The following LRRFIP1 variants were observed in gnomAD, a reference collection of about 807,000 sequenced individuals.
LRRFIP1 encodes LRR binding FLII interacting protein 1.
Under a neutral mutation model 104.4 loss-of-function variants are expected in LRRFIP1, and 62 were observed. That is an observed-to-expected ratio of 0.59 (90% CI 0.48 to 0.73). LRRFIP1 has a LOEUF of 0.73. Ranked by LOEUF, LRRFIP1 falls within the 30% of genes least tolerant of loss-of-function variation. LRRFIP1 has a pLI of 0.00. For synonymous variants in LRRFIP1, 300 were observed against 299.0 expected, an observed-to-expected ratio of 1.00 and a Z score of -0.03; for missense variants, 796 against 824.5, an observed-to-expected ratio of 0.97 and a Z score of 0.42.
chr2:237,759,498 GGAGA>G (rs1260408877), intron 18 of LRRFIP1, among the ~76,000 whole-genome samples: 1 of 152,206 alleles, frequency 6.6e-6, no homozygotes, highest in African/African-American at 2.4e-5. Context: ...CACACACAAG[GGAGA>G]GAGAGCCACA....
intron 19 of LRRFIP1, among the ~76,000 whole-genome samples, chr2:237,767,353 A>G (rs2060310203): frequency 6.6e-6 from 1 of 152,196 alleles, no homozygotes; most frequent in Non-Finnish European, 1.5e-5. Context: ...CTGGGGTTTC[A>G]CTATCATACA....
chr2:237,758,642 A>G (rs1457236518), intron 17 of LRRFIP1, 87 bp from the exon 18 acceptor site: 1 of 848,360 alleles, frequency 1.2e-6, no homozygotes, highest in Non-Finnish European at 1.9e-6. Context: ...TTTAGATGGT[A>G]GAAGCCTCCT....
chr2:237,780,346 AAAG>A lies in LRRFIP1; in HGVS notation c.*819_*821del, dbSNP rs1427816186. ...GTGGTTCTAATTTTTTTCCACTGAG[AAAG>A]AAGATCTTTAATTTCATATTAATGG... On this transcript the variant is annotated 3_prime_UTR_variant, in exon 24 of 24. Transcript: ENST00000308482. The A allele has an allele frequency of 1.3e-5, 2 of 152,192 alleles. No homozygotes were observed. Among genetic ancestry groups the A allele is most frequent in the Non-Finnish European group, 2.9e-5 (2 of 68,028 alleles). The allele number at this position is 152,192 out of a possible 1,614,324, so 9.4% of individuals were successfully genotyped here.
At position 237,779,632 on chromosome 2, in the gene LRRFIP1, C is replaced by T. The variant is rs2117363; in HGVS notation, c.*100C>T. The T allele has an allele frequency of 0.19, 201,018 of 1,083,928 alleles. 20,863 individuals carry two copies. The highest frequency in any genetic ancestry group is 0.43 in the East Asian group (15,819 of 36,770). 67.1% of individuals were successfully genotyped at this position (1,083,928 alleles called of 1,614,324 possible). On this transcript the variant is annotated 3_prime_UTR_variant, in exon 24 of 24. Transcript: ENST00000308482. ...GAGCGCTGCTTCTTCCCCTGCCTTC[C>T]GAGAGACGAAGACCGTGGCGAGCTT...
intron 11 of LRRFIP1, among the ~76,000 whole-genome samples, chr2:237,745,240 T>C (rs1026607956): frequency 2.0e-5 from 3 of 152,232 alleles, no homozygotes; most frequent in African/African-American, 7.2e-5. Context: ...CGGGGCTGAA[T>C]AGCCTTCCTG....
Position 237,767,800 on chromosome 2 carries a change from G to A in LRRFIP1, c.1460-2143G>A, listed in dbSNP as rs970945825. 6.6e-5 allele frequency among the ~76,000 whole-genome samples: 10 copies of A among 152,120 alleles called. No individual in the cohort carries two copies. The East Asian group carries it at 1.3e-3, about 21-fold the overall frequency. On this transcript the variant is annotated intron_variant, in intron 19 of 23. Transcript: ENST00000308482. ...CCCAACCCTGTACAGCGTACCACCC[G>A]TGGCCACCAGCCAAGGGAACACAAC...
At chr2:237,640,577 A>G (rs1459694458) in intron 1 of LRRFIP1, among the ~76,000 whole-genome samples, 1 of 152,084 alleles carries the variant, frequency 6.6e-6, no homozygotes, top group African/African-American at 2.4e-5. Context: ...GGGGGACTGG[A>G]TGTTGGACAA....
intron 1 of LRRFIP1, among the ~76,000 whole-genome samples, chr2:237,686,729 C>T (rs1277542148): frequency 1.3e-5 from 2 of 152,240 alleles, no homozygotes; most frequent in African/African-American, 2.4e-5. Flanking sequence ...GCTTTCCAGA[C>T]GCTCTTGCTC....
intron 23 of LRRFIP1, among the ~76,000 whole-genome samples, chr2:237,778,358 C>T (rs937850746): frequency 2.0e-5 from 3 of 152,194 alleles, no homozygotes; most frequent in Non-Finnish European, 2.9e-5. Flanking sequence ...TCCAAAACCA[C>T]GTTCTCCCAG....
chr2:237,762,568 A>C, intron 19 of LRRFIP1: 1 of 1,528,384 alleles, frequency 6.5e-7, no homozygotes. Flanking sequence ...CCGCCACATC[A>C]TGGGGTCCCT....
Position 237,772,099 on chromosome 2 carries a change from C to G in LRRFIP1, c.1528C>G (p.Gln510Glu), listed in dbSNP as rs747929959. The part of the protein sequence containing the change: ...LLEQIKKLKG[Q>E]LEERQKIGKL... The stretch of plus-strand genomic sequence containing the variant: ...TTTTCAGATTAAGAAACTCAAAGGG[C>G]AGCTGGAGGAGAGACAGAAGATTGG... The change falls in exon 21 of 24, where the codon CAG (glutamine) becomes GAG (glutamate). Residue 510 changes from glutamine (Q) to glutamate (E), a missense_variant. Transcript: ENST00000308482. 6.2e-7 allele frequency: 1 copy of G among 1,613,004 alleles called. No individual in the cohort carries two copies. Among genetic ancestry groups the G allele is most frequent in the South Asian group, 1.1e-5 (1 of 90,996 alleles).
At chr2:237,680,658 T>A (rs2091707406) in intron 1 of LRRFIP1, among the ~76,000 whole-genome samples, 1 of 152,006 alleles carries the variant, frequency 6.6e-6, no homozygotes, top group Non-Finnish European at 1.5e-5. Flanking sequence ...AAAATCTCAG[T>A]TTAGAGGGGA....
intron 1 of LRRFIP1, among the ~76,000 whole-genome samples, chr2:237,681,678 C>CT (rs1172576547): frequency 0.015 from 684 of 44,896 alleles, 152 homozygotes; most frequent in African/African-American, 0.043. Context: ...CAGTCCTATT[C>CT]TTTTTTTTTT....
At chr2:237,635,223 G>C (rs1008003327) in intron 1 of LRRFIP1, among the ~76,000 whole-genome samples, 5 of 152,196 alleles carry the variant, frequency 3.3e-5, no homozygotes, top group Admixed American at 6.5e-5. Context: ...GTTGTGTATA[G>C]AGTTCTAGGT....
chr2:237,640,680 A>G lies in LRRFIP1; in HGVS notation c.96+12940A>G, dbSNP rs76418114. ...ATTGCCGAACTTCTTAAAATAGATG[A>G]CCAGATCATTGTCTTGTTCGGAATC... On this transcript the variant is annotated intron_variant, in intron 1 of 23. Transcript: ENST00000308482. 8.9e-3 allele frequency among the ~76,000 whole-genome samples: 1,355 copies of G among 152,220 alleles called. 17 individuals carry two copies. The highest frequency in any genetic ancestry group is 0.03 in the African/African-American group (1,263 of 41,510).
chr2:237,773,282 AATCCCAGCACTTTGGGAGGCTG>A (rs2060803618), intron 22 of LRRFIP1, among the ~76,000 whole-genome samples: 1 of 152,212 alleles, frequency 6.6e-6, no homozygotes, highest in South Asian at 2.1e-4. Context: ...TCACACCTGT[AATCCCAGCACTTTGGGAGGCTG>A]AGATGGGTGG....
In LRRFIP1 at chr2:237,774,419, TAGA is replaced by T. The variant is rs750092888; in HGVS notation, c.1773_1775del (p.Glu591del). 1 of 1,613,604 alleles carries T rather than the reference TAGA, an allele frequency of 6.2e-7. No homozygotes were observed. Among genetic ancestry groups the T allele is most frequent in the East Asian group, 2.2e-5 (1 of 44,884 alleles). On this transcript the variant is annotated inframe_deletion, in exon 23 of 24. Transcript: ENST00000308482. ...TCAGCGGCTGAAAATGCAGAAAAAATAGAAGATGAACTTAAGGCAGAAAAACGG... is the reference window on the plus strand; with the variant it reads ...TCAGCGGCTGAAAATGCAGAAAAAATAGATGAACTTAAGGCAGAAAAACGG...
intron 1 of LRRFIP1, among the ~76,000 whole-genome samples, chr2:237,683,979 C>A (rs182269572): frequency 6.6e-6 from 1 of 152,240 alleles, no homozygotes; most frequent in Admixed American, 6.5e-5. Flanking sequence ...TGACATTTAT[C>A]AATGACATTT....
chr2:237,639,691 G>A (rs1325862117), intron 1 of LRRFIP1, among the ~76,000 whole-genome samples: 2 of 151,872 alleles, frequency 1.3e-5, no homozygotes, highest in African/African-American at 4.8e-5. Flanking sequence ...TTGAGATGAG[G>A]TGATGACCAC....
Sources: gnomAD v4.1 joint callset for allele counts (sites outside exome capture counted in the v4.1 genomes callset) on GRCh38, gnomAD v4.1.1 for gene constraint, MANE v1.5 for transcripts, NCBI Gene and HGNC (gene_info 2026-07-23, HGNC 2026-07-21) for gene names.